PLPPR1: variants seen among roughly 807,000 people sequenced by gnomAD.
The protein encoded by PLPPR1 is phospholipid phosphatase related 1, also known as phospholipid phosphatase-related protein type 1.
PLPPR1 carries 10 observed loss-of-function variants against 33.1 expected under a neutral mutation model. The ratio of observed to expected loss-of-function variants is 0.30; its 90% CI spans 0.19 to 0.51. PLPPR1 has a LOEUF of 0.51. Ranked by LOEUF, PLPPR1 falls within the 20% of genes least tolerant of loss-of-function variation. The pLI is 0.97. For missense variants in PLPPR1, 304 were observed against 408.1 expected, an observed-to-expected ratio of 0.74 and a Z score of 2.20; for synonymous variants, 151 against 151.0, an observed-to-expected ratio of 1.00 and a Z score of 0.00.
intron 1 of PLPPR1, among the ~76,000 whole-genome samples, chr9:101,091,311 G>A (rs1325770212): frequency 6.6e-6 from 1 of 152,070 alleles, no homozygotes; most frequent in Non-Finnish European, 1.5e-5. Context: ...CGCAGAATTA[G>A]TGATTTAAAT....
intron 2 of PLPPR1, among the ~76,000 whole-genome samples, chr9:101,244,623 T>G (rs912720057): frequency 6.6e-6 from 1 of 151,954 alleles, no homozygotes; most frequent in East Asian, 1.9e-4. Context: ...TTGACTAAGA[T>G]AGTAGGTTAT....
In PLPPR1 at chr9:101,325,031, G is replaced by A. The variant is rs969641498; in HGVS notation, c.*974G>A. The A allele has an allele frequency of 3.9e-5, 6 of 152,024 alleles. No homozygotes were observed. Among genetic ancestry groups the A allele is most frequent in the Non-Finnish European group, 5.9e-5 (4 of 67,970 alleles). The allele number at this position is 152,024 out of a possible 1,614,324, so 9.4% of individuals were successfully genotyped here. A position where few individuals can be genotyped will look rare whatever the true frequency, so the allele number is the denominator to read the frequency against. On this transcript the variant is annotated 3_prime_UTR_variant, in exon 8 of 8. Coordinates refer to ENST00000374874, the MANE Select transcript of PLPPR1 (RefSeq NM_207299.2). Reference sequence around the variant, plus strand: ...TTTGATTGAAGGAGCTCTTTTGTCCGTACCTATCAGAATGTTTTCTTGACA... The same window carrying A: ...TTTGATTGAAGGAGCTCTTTTGTCCATACCTATCAGAATGTTTTCTTGACA...
At chr9:101,273,459 G>GC (rs1212022253) in intron 3 of PLPPR1, among the ~76,000 whole-genome samples, 1 of 152,140 alleles carries the variant, frequency 6.6e-6, no homozygotes, top group East Asian at 1.9e-4. Context: ...AATGTATGTA[G>GC]CCCCCATTCA....
chr9:101,143,678 A>G (rs1831483372), intron 1 of PLPPR1, among the ~76,000 whole-genome samples: 1 of 152,212 alleles, frequency 6.6e-6, no homozygotes, highest in South Asian at 2.1e-4. Context: ...CACATGAAAA[A>G]ATGCTCATCA....
At chr9:101,069,961 G>A (rs974351669) in intron 1 of PLPPR1, among the ~76,000 whole-genome samples, 14 of 152,052 alleles carry the variant, frequency 9.2e-5, no homozygotes, top group African/African-American at 3.4e-4. Context: ...TTTTGGGGAG[G>A]AAAATAGTGC....
intron 2 of PLPPR1, among the ~76,000 whole-genome samples, chr9:101,269,470 T>C (rs1006873735): frequency 2.0e-5 from 3 of 152,204 alleles, no homozygotes; most frequent in Non-Finnish European, 4.4e-5. Flanking sequence ...CCTGTAATAT[T>C]ATATGAAATT....
chr9:101,135,220 A>G (rs1057480108), intron 1 of PLPPR1, among the ~76,000 whole-genome samples: 6 of 152,304 alleles, frequency 3.9e-5, no homozygotes, highest in African/African-American at 1.2e-4. Context: ...TATCCACACC[A>G]TATTCCCTAA....
At chr9:101,040,830 A>G (rs559316712) in intron 1 of PLPPR1, among the ~76,000 whole-genome samples, 23 of 152,140 alleles carry the variant, frequency 1.5e-4, no homozygotes, top group Non-Finnish European at 7.4e-5. Context: ...GACTCTGTAT[A>G]TTTTGTCCAT....
intron 2 of PLPPR1, among the ~76,000 whole-genome samples, chr9:101,247,218 C>T (rs137989327): frequency 3.7e-4 from 57 of 152,042 alleles, no homozygotes; most frequent in South Asian, 6.2e-4. Flanking sequence ...GAAGGAGGGA[C>T]GCCCAACAAT....
At chr9:101,075,499 G>C (rs1830524827) in intron 1 of PLPPR1, among the ~76,000 whole-genome samples, 1 of 152,150 alleles carries the variant, frequency 6.6e-6, no homozygotes, top group South Asian at 2.1e-4. Context: ...AGATGACGTA[G>C]GTCACAAACA....
chr9:101,042,308 T>G (rs1830086350), intron 1 of PLPPR1, among the ~76,000 whole-genome samples: 1 of 152,182 alleles, frequency 6.6e-6, no homozygotes, highest in Admixed American at 6.5e-5. Context: ...TTTTTGTTCC[T>G]TCAGGTGTTT....
intron 1 of PLPPR1, among the ~76,000 whole-genome samples, chr9:101,123,463 C>T (rs1159037147): frequency 1.3e-5 from 2 of 151,938 alleles, no homozygotes; most frequent in Non-Finnish European, 2.9e-5. Flanking sequence ...AACACCAGGT[C>T]GTGGGGGTGA....
At chr9:101,114,501 G>T (rs1415677541) in intron 1 of PLPPR1, among the ~76,000 whole-genome samples, 1 of 152,166 alleles carries the variant, frequency 6.6e-6, no homozygotes, top group Non-Finnish European at 1.5e-5. Flanking sequence ...CTGGCCCAAG[G>T]TCACTCTGCA....
At chr9:101,197,225 A>G (rs1588068216) in intron 2 of PLPPR1, among the ~76,000 whole-genome samples, 1 of 152,214 alleles carries the variant, frequency 6.6e-6, no homozygotes, top group East Asian at 1.9e-4. Context: ...AAACCATGTA[A>G]AGTTGCCTCA....
Position 101,286,190 on chromosome 9 carries a change from A to T in PLPPR1, c.339A>T (p.Glu113Asp). The stretch of plus-strand genomic sequence containing the variant: ...AGGAGAAAACAATTCTGACCGGAGA[A>T]TGCTGTTACCTGAACCCCTTACTTC... ...IAQEKTILTGECCYLNPLLRR... is the reference protein window; with the variant it reads ...IAQEKTILTGDCCYLNPLLRR... Residue 113 changes from glutamate to aspartate, a missense_variant, in exon 4 of 8, where the codon GAA (glutamate) becomes GAT (aspartate). Coordinates refer to ENST00000374874, the MANE Select transcript of PLPPR1 (RefSeq NM_207299.2). 1 of 1,613,906 alleles carries T rather than the reference A, an allele frequency of 6.2e-7. No homozygotes were observed. The highest frequency in any genetic ancestry group is 2.2e-5 in the East Asian group (1 of 44,856).
At chr9:101,301,153 G>A (rs780819349) in intron 4 of PLPPR1, among the ~76,000 whole-genome samples, 1 of 152,100 alleles carries the variant, frequency 6.6e-6, no homozygotes, top group Non-Finnish European at 1.5e-5. Flanking sequence ...CACTTATCAT[G>A]AGTAATTACA....
chr9:101,180,688 G>T (rs1482475210), intron 1 of PLPPR1, among the ~76,000 whole-genome samples: 1 of 151,676 alleles, frequency 6.6e-6, no homozygotes, highest in Non-Finnish European at 1.5e-5. Context: ...ATCTACACAA[G>T]CAGAAGAACA....
chr9:101,141,790 C>G lies in PLPPR1; in HGVS notation c.-45-43660C>G, dbSNP rs547435141. On this transcript the variant is annotated intron_variant, in intron 1 of 7. Transcript: ENST00000374874. ...ATGAAAACACACATCTTTACCTGAA[C>G]CTCCGTCACTGACACCTTCTATTCC... is the stretch of plus-strand genomic sequence containing the variant. Among the ~76,000 whole-genome samples the G allele has an allele frequency of 3.1e-4, 47 of 152,234 alleles. No homozygotes were observed. The Middle Eastern group carries it at 0.014, about 44-fold the overall frequency.
chr9:101,050,124 G>GAAAAAAAA (rs35688096), intron 1 of PLPPR1, among the ~76,000 whole-genome samples: 7 of 35,162 alleles, frequency 2.0e-4, no homozygotes, highest in Non-Finnish European at 2.0e-4. Context: ...CTCCAACTCA[G>GAAAAAAAA]AAAAAAAAAA....
Sources: gnomAD v4.1 joint callset for allele counts (sites outside exome capture counted in the v4.1 genomes callset) on GRCh38, gnomAD v4.1.1 for gene constraint, MANE v1.5 for transcripts, NCBI Gene and HGNC (gene_info 2026-07-23, HGNC 2026-07-21) for gene names.